The following SNTG1 variants were observed in gnomAD, a reference collection of about 807,000 sequenced individuals.
SNTG1 encodes the protein syntrophin gamma 1, also known as gamma-1-syntrophin.
SNTG1 carries 39 observed loss-of-function variants against 74.7 expected under a neutral mutation model. The observed-to-expected ratio is 0.52, with a 90% confidence interval of 0.40 to 0.68. The LOEUF (loss-of-function observed/expected upper bound fraction) is 0.68. Ranked by LOEUF, SNTG1 falls within the 30% of genes least tolerant of loss-of-function variation. The probability of loss-of-function intolerance (pLI) is 0.00; values close to 1 mark genes in which losing one functional copy is unlikely to be tolerated. For missense variants in SNTG1, 685 were observed against 609.5 expected (o/e 1.12, Z -1.30); for synonymous variants, 254 against 217.1 (o/e 1.17, Z -1.49).
At chr8:49,937,687 C>CT (rs1164183231) in intron 1 of SNTG1, among the ~76,000 whole-genome samples, 1 of 152,096 alleles carries the variant, frequency 6.6e-6, no homozygotes, top group Admixed American at 6.5e-5. Flanking sequence ...AATGATTAGG[C>CT]TTTTTTCAAC....
chr8:50,499,833 C>T (rs2093936089), intron 8 of SNTG1, among the ~76,000 whole-genome samples: 1 of 151,910 alleles, frequency 6.6e-6, no homozygotes, highest in South Asian at 2.1e-4. Context: ...TAATGTTAAA[C>T]CAACCTTGTA....
chr8:49,960,039 A>C (rs1810537795), intron 1 of SNTG1, among the ~76,000 whole-genome samples: 1 of 152,240 alleles, frequency 6.6e-6, no homozygotes, highest in Admixed American at 6.5e-5. Context: ...GATTCAGTTC[A>C]GCATTCTTTT....
At chr8:50,558,300 T>C (rs1173997655) in intron 12 of SNTG1, among the ~76,000 whole-genome samples, 8 of 152,176 alleles carry the variant, frequency 5.3e-5, no homozygotes, top group Non-Finnish European at 7.3e-5. Flanking sequence ...AAAGGAACAG[T>C]AACAGAGATG....
chr8:49,917,548 G>A lies in SNTG1; in HGVS notation c.-103+5317G>A, dbSNP rs189066555. On this transcript the variant is annotated intron_variant, in intron 1 of 18. Transcript: ENST00000642720. ...GTATACAATGGCTAGTACATTGACC[G>A]GGATTTGTTGAAGCTGGTGAGTGTT... Among the ~76,000 whole-genome samples, 36 of 152,242 alleles carry A rather than the reference G, an allele frequency of 2.4e-4. No homozygotes were observed. In the East Asian group the frequency reaches 6.4e-3, roughly 27 times the overall value.
chr8:50,703,177 TA>T (rs571920927), intron 15 of SNTG1, among the ~76,000 whole-genome samples: 3 of 152,350 alleles, frequency 2.0e-5, no homozygotes, highest in African/African-American at 7.2e-5. Flanking sequence ...TTTACAAAGT[TA>T]ATTTTTTCAA....
chr8:50,223,955 A>G (rs909375575), intron 2 of SNTG1, among the ~76,000 whole-genome samples: 10 of 152,150 alleles, frequency 6.6e-5, no homozygotes, highest in Admixed American at 2.6e-4. Flanking sequence ...AATCCAGAAG[A>G]ATCCCAAACT....
intron 1 of SNTG1, among the ~76,000 whole-genome samples, chr8:49,925,933 A>T (rs564271723): frequency 6.6e-6 from 1 of 152,312 alleles, no homozygotes; most frequent in East Asian, 1.9e-4. Flanking sequence ...GAGAACTGGA[A>T]TATCTCCCTA....
intron 2 of SNTG1, among the ~76,000 whole-genome samples, chr8:50,233,723 AT>A (rs2085749364): frequency 1.8e-5 from 1 of 54,914 alleles, no homozygotes; most frequent in Non-Finnish European, 5.0e-5. Context: ...AAACCCACTA[AT>A]TAGAAAATGG....
At position 50,267,243 on chromosome 8, in the gene SNTG1, A is replaced by C. The variant is rs534983346; in HGVS notation, c.-28+94608A>C. On this transcript the variant is annotated intron_variant, in intron 2 of 18. Transcript: ENST00000642720. The stretch of plus-strand genomic sequence containing the variant: ...CTAAATAATTTTATATAGCAGAAAA[A>C]GTATTTTTAAATCATATGTCTGATA... Among the ~76,000 whole-genome samples, 3 of 152,274 alleles carry C rather than the reference A, an allele frequency of 2.0e-5. No individual in the cohort carries two copies. The South Asian group carries it at 6.2e-4, about 32-fold the overall frequency.
intron 1 of SNTG1, among the ~76,000 whole-genome samples, chr8:49,932,076 G>A (rs1296091823): frequency 6.6e-6 from 1 of 152,056 alleles, no homozygotes; most frequent in African/African-American, 2.4e-5. Context: ...ATTAAAACAG[G>A]ACAGTAAGTC....
At chr8:50,236,187 G>GATT (rs2085884624) in intron 2 of SNTG1, among the ~76,000 whole-genome samples, 1 of 152,068 alleles carries the variant, frequency 6.6e-6, no homozygotes, top group South Asian at 2.1e-4. Context: ...TGCCACTATA[G>GATT]ATTATTATAA....
chr8:50,013,464 G>GAGATAGAT lies in SNTG1; in HGVS notation c.-103+101269_-103+101276dup, dbSNP rs56718258. On this transcript the variant is annotated intron_variant, in intron 1 of 18. Transcript: ENST00000642720. ...CTATAACCTCCAGAATGGGGATAGA[G>GAGATAGAT]AGATAGATAGATAGATAGATAGATA... Among the ~76,000 whole-genome samples the GAGATAGAT allele has an allele frequency of 3.1e-3, 462 of 148,518 alleles. 2 individuals are homozygous for GAGATAGAT. The highest frequency in any genetic ancestry group is 6.8e-3 in the East Asian group (34 of 4,982).
chr8:50,174,981 C>A (rs368772180), intron 2 of SNTG1, among the ~76,000 whole-genome samples: 6 of 150,462 alleles, frequency 4.0e-5, no homozygotes, highest in East Asian at 4.0e-4. Flanking sequence ...TTTGTCCTTG[C>A]GATAGTTTGC....
At chr8:50,533,035 T>G (rs896551765) in intron 10 of SNTG1, among the ~76,000 whole-genome samples, 22 of 152,206 alleles carry the variant, frequency 1.4e-4, no homozygotes, top group African/African-American at 4.3e-4. Flanking sequence ...CATTCCACTA[T>G]CCTACATAAA....
chr8:50,694,426 G>A (rs1471086400), intron 15 of SNTG1, among the ~76,000 whole-genome samples: 3 of 152,172 alleles, frequency 2.0e-5, no homozygotes, highest in Admixed American at 2.0e-4. Context: ...AATGAGTGAG[G>A]AGACTGAATT....
chr8:49,975,834 T>C (rs1321402821), intron 1 of SNTG1, among the ~76,000 whole-genome samples: 1 of 152,094 alleles, frequency 6.6e-6, no homozygotes, highest in Non-Finnish European at 1.5e-5. Context: ...AGTTTTTGTC[T>C]TAGAGATAAA....
intron 1 of SNTG1, among the ~76,000 whole-genome samples, chr8:50,154,717 C>G (rs2082197505): frequency 6.6e-6 from 1 of 152,166 alleles, no homozygotes; most frequent in African/African-American, 2.4e-5. Context: ...CTATAAATCA[C>G]CTGGCCTATA....
rs1368989566 is a variant in SNTG1, at chr8:50,115,957, C to T, written c.-102-56604C>T. ...CACTACAGCAGTCCCAAGGTCATGT[C>T]AGGTTTGCCACTGTGCAGCTGAAGC... On this transcript the variant is annotated intron_variant, in intron 1 of 18. Coordinates refer to ENST00000642720, the MANE Select transcript of SNTG1 (RefSeq NM_018967.5). Among the ~76,000 whole-genome samples, 2 of 152,074 alleles carry T rather than the reference C, an allele frequency of 1.3e-5. 1 individual carries two copies. The highest frequency in any genetic ancestry group is 1.3e-4 in the Admixed American group (2 of 15,248).
At chr8:50,558,003 T>C (rs923342517) in intron 12 of SNTG1, among the ~76,000 whole-genome samples, 3 of 152,162 alleles carry the variant, frequency 2.0e-5, no homozygotes, top group African/African-American at 7.2e-5. Flanking sequence ...TTCCCCACTC[T>C]TACTGGATCG....
Sources: allele counts gnomAD v4.1 joint callset (sites outside exome capture counted in the v4.1 genomes callset), GRCh38; gene constraint gnomAD v4.1.1; transcripts MANE v1.5; gene names NCBI Gene and HGNC (gene_info 2026-07-23, HGNC 2026-07-21).